The following VPS37D variants were observed in gnomAD, a reference collection of about 807,000 sequenced individuals.
VPS37D encodes vacuolar protein sorting-associated protein 37D.
A neutral mutation model predicts 22.0 loss-of-function variants in VPS37D; 5 were observed. The observed-to-expected ratio is 0.23, with a 90% CI of 0.12 to 0.48. VPS37D has a LOEUF of 0.48. Ranked by LOEUF, VPS37D falls within the 20% of genes least tolerant of loss-of-function variation. VPS37D has a pLI of 0.99. For synonymous variants in VPS37D, 174 were observed against 159.3 expected (o/e 1.09, Z -0.69); for missense variants, 384 against 345.8 (o/e 1.11, Z -0.88).
rs1554609444 is a variant in VPS37D, at chr7:73,670,055, C to T, written c.346C>T (p.Leu116=). 1.3e-6 allele frequency: 2 copies of T among 1,540,226 alleles called. No homozygotes were observed. The highest frequency in any genetic ancestry group is 5.0e-5 in the East Asian group (2 of 40,228). ...GCATCGCTGGAGTCCCCACTGCGCG[C>T]TGGGCTGGCTGCAGGCTGAGCTAGA... The part of the protein sequence containing the change: ...SMHRWSPHCA[L]GWLQAELEEA... The change falls in exon 3 of 4, where the codon CTG becomes TTG. Residue 116 remains leucine (L), a synonymous_variant. Coordinates refer to ENST00000324941, the MANE Select transcript of VPS37D (RefSeq NM_001077621.2).
At chr7:73,670,249 C>A in intron 3 of VPS37D, 147 bp downstream of exon 3, 1 of 1,359,866 alleles carries the variant, frequency 7.4e-7, no homozygotes, top group Non-Finnish European at 9.9e-7. Flanking sequence ...CCTAGCATTG[C>A]TGTCCACCAG....
At chr7:73,666,520 C>T (rs1797376948), upstream of VPS37D, among the ~76,000 whole-genome samples, 1 of 151,992 alleles carries the variant, frequency 6.6e-6, no homozygotes, top group Non-Finnish European at 1.5e-5. Flanking sequence ...CCTCCGCCTC[C>T]CAGGTTCAAG....
intron 1 of VPS37D, 82 bp from the exon 2 acceptor site, chr7:73,669,337 G>T: frequency 2.1e-6 from 3 of 1,444,100 alleles, no homozygotes; most frequent in Non-Finnish European, 2.7e-6. Flanking sequence ...CTCAGGCACG[G>T]TCGCCCAGTA....
chr7:73,671,371 C>A lies in VPS37D; in HGVS notation c.751C>A (p.Arg251=). 7.3e-7 allele frequency: 1 copy of A among 1,375,198 alleles called. No homozygotes were observed. Among genetic ancestry groups the A allele is most frequent in the Non-Finnish European group, 9.4e-7 (1 of 1,067,138 alleles). 85.2% of individuals were successfully genotyped at this position (1,375,198 alleles called of 1,614,324 possible). Residue 251 remains arginine, a synonymous_variant, in exon 4 of 4, where the codon CGG becomes AGG. Coordinates refer to ENST00000324941, the MANE Select transcript of VPS37D (RefSeq NM_001077621.2). Reference sequence around the variant, plus strand: ...GCCCTCGCAGCCAGAGCCCCCCCACCGGTAGGATCCACGGTGCGGCCCCCC... The same window carrying A: ...GCCCTCGCAGCCAGAGCCCCCCCACAGGTAGGATCCACGGTGCGGCCCCCC... The part of the protein sequence containing the change: ...PRPSQPEPPH[R]
At chr7:73,666,749 T>C (rs1195332657), upstream of VPS37D, among the ~76,000 whole-genome samples, 1 of 152,014 alleles carries the variant, frequency 6.6e-6, no homozygotes, top group Non-Finnish European at 1.5e-5. Flanking sequence ...TGACCTACTA[T>C]GTGTATTCAT....
upstream of VPS37D, among the ~76,000 whole-genome samples, chr7:73,665,720 T>C (rs993494085): frequency 1.2e-4 from 18 of 152,176 alleles, no homozygotes; most frequent in Admixed American, 7.2e-4. Flanking sequence ...TTTGCTTTCA[T>C]CATTTTCTCC....
chr7:73,669,559 C>T lies in VPS37D; in HGVS notation c.279C>T (p.Ala93=), dbSNP rs61743139. Residue 93 remains alanine, a synonymous_variant, in exon 2 of 4, where the codon GCC becomes GCT. Coordinates refer to ENST00000324941, the MANE Select transcript of VPS37D (RefSeq NM_001077621.2). ...AATACCAGGAGCTTCGTGAGGTGGC[C>T]GAGAACTGCGCGGACAAGCTGCAGC... ...AIKYQELREV[A]ENCADKLQRL... 0.01 allele frequency: 16,238 copies of T among 1,592,400 alleles called. 102 individuals are homozygous for T. The highest frequency in any genetic ancestry group is 0.012 in the Non-Finnish European group (14,395 of 1,169,600).
upstream of VPS37D, among the ~76,000 whole-genome samples, chr7:73,666,680 T>C (rs1369597039): frequency 6.6e-6 from 1 of 152,172 alleles, no homozygotes; most frequent in Non-Finnish European, 1.5e-5. Flanking sequence ...ATTACAGGCA[T>C]GGGCTACCGT....
intron 3 of VPS37D, among the ~76,000 whole-genome samples, 171 bp downstream of exon 3, chr7:73,670,273 G>C (rs1381855465): frequency 5.3e-5 from 8 of 152,184 alleles, no homozygotes; most frequent in African/African-American, 1.9e-4. Flanking sequence ...TGGACAGCCA[G>C]CAGGGCTCAC....
chr7:73,667,775 C>T (rs1487062949), upstream of VPS37D: 1 of 159,084 alleles, frequency 6.3e-6, no homozygotes, highest in Non-Finnish European at 1.4e-5. Context: ...CCCTGCCCCA[C>T]CCCCAGCCCC....
At chr7:73,670,812 A>G (rs1797490218) in intron 3 of VPS37D, among the ~76,000 whole-genome samples, 1 of 149,308 alleles carries the variant, frequency 6.7e-6, no homozygotes, top group Non-Finnish European at 1.5e-5. Context: ...TGTCTCAGGA[A>G]AAAAAAAAAA....
intron 1 of VPS37D, among the ~76,000 whole-genome samples, chr7:73,668,466 CCTGT>C (rs782775969): frequency 1.3e-5 from 2 of 151,138 alleles, no homozygotes; most frequent in Non-Finnish European, 3.0e-5. Context: ...GAACTAGGGG[CCTGT>C]CTGACACCTG....
In VPS37D at chr7:73,671,268, C is replaced by A; in HGVS notation, c.648C>A (p.Pro216=). 2.7e-6 allele frequency: 4 copies of A among 1,480,858 alleles called. No homozygotes were observed. Among genetic ancestry groups the A allele is most frequent in the South Asian group, 2.7e-5 (2 of 74,622 alleles). The allele number at this position is 1,480,858 out of a possible 1,614,324, so 91.7% of individuals were successfully genotyped here. The change falls in exon 4 of 4, where the codon CCC becomes CCA. Residue 216 remains proline, a synonymous_variant. Transcript: ENST00000324941. ...CAGCAGTGCCCCGGAGCCTGCCCCC[C>A]TTGGACTCCCGCCCAGTGCCCCCAC... ...GPPAVPRSLP[P]LDSRPVPPLK...
Position 73,667,898 on chromosome 7 carries a change from C to A in VPS37D, c.-61C>A. ...GGAGCGGAGCGGAGCGGAGCGGAGC[C>A]GGGGCGGAGCGGGCCGAGCGGGCCG... On this transcript the variant is annotated 5_prime_UTR_variant, in exon 1 of 4. Coordinates refer to ENST00000324941, the MANE Select transcript of VPS37D (RefSeq NM_001077621.2). 1 of 575,882 alleles carries A rather than the reference C, an allele frequency of 1.7e-6. No homozygotes were observed. Among genetic ancestry groups the A allele is most frequent in the Non-Finnish European group, 2.2e-6 (1 of 453,820 alleles). 35.7% of individuals were successfully genotyped at this position (575,882 alleles called of 1,614,324 possible).
At chr7:73,667,294 T>C (rs1444334522), upstream of VPS37D, among the ~76,000 whole-genome samples, 4 of 150,250 alleles carry the variant, frequency 2.7e-5, no homozygotes, top group Admixed American at 2.6e-4. Context: ...CTTTTGACAA[T>C]TTTTAAATTT....
At chr7:73,668,207 G>A in intron 1 of VPS37D, 111 bp downstream of exon 1, 2 of 646,410 alleles carry the variant, frequency 3.1e-6, no homozygotes, top group Non-Finnish European at 2.0e-6. Flanking sequence ...CCGTGGGCGC[G>A]GAGCCTGGCA....
chr7:73,668,090 C>T lies in VPS37D; in HGVS notation c.132C>T (p.Ser44=). ...EPKLDRIVRL[S]RKFQGLQLER... is the part of the protein sequence containing the mutation. ...AGCTGGACCGGATCGTGCGGCTCAG[C>T]AGGAAGGTAGCGCGGGGGGCTCGAG... is the stretch of plus-strand genomic sequence containing the variant. The change falls in exon 1 of 4, where the codon AGC becomes AGT. Residue 44 remains serine (S), a synonymous_variant. Coordinates refer to ENST00000324941, the MANE Select transcript of VPS37D (RefSeq NM_001077621.2). 9.0e-7 allele frequency: 1 copy of T among 1,114,368 alleles called. No homozygotes were observed. The highest frequency in any genetic ancestry group is 1.1e-6 in the Non-Finnish European group (1 of 903,958). 69.0% of individuals were successfully genotyped at this position (1,114,368 alleles called of 1,614,324 possible).
At chr7:73,666,761 A>G (rs1797381269), upstream of VPS37D, among the ~76,000 whole-genome samples, 2 of 151,918 alleles carry the variant, frequency 1.3e-5, no homozygotes, top group Non-Finnish European at 2.9e-5. Flanking sequence ...TGTATTCATT[A>G]TAACATTGCT....
Position 73,671,037 on chromosome 7 carries a change from C to G in VPS37D, c.417C>G (p.Leu139=). The G allele has an allele frequency of 6.2e-7, 1 of 1,612,438 alleles. No individual in the cohort carries two copies. Among genetic ancestry groups the G allele is most frequent in the South Asian group, 1.1e-5 (1 of 91,046 alleles). The change falls in exon 4 of 4, where the codon CTC becomes CTG. Residue 139 remains leucine (L), a synonymous_variant. Transcript: ENST00000324941. ...EAEEQMEQLL[L]GEQSLEAFLP... ...AGGAGCAGATGGAGCAGCTGCTGCT[C>G]GGGGAGCAAAGCCTGGAGGCCTTCC... is the stretch of plus-strand genomic sequence containing the variant.
Sources: gnomAD v4.1 joint callset for allele counts (sites outside exome capture counted in the v4.1 genomes callset) on GRCh38, gnomAD v4.1.1 for gene constraint, MANE v1.5 for transcripts, NCBI Gene and HGNC (gene_info 2026-07-23, HGNC 2026-07-21) for gene names.